Variants in FANCC observed in about 807,000 individuals in gnomAD.
The protein encoded by FANCC is FA complementation group C, also known as Fanconi anemia group C protein.
A neutral mutation model predicts 71.3 loss-of-function variants in FANCC; 55 were observed. The ratio of observed to expected loss-of-function variants is 0.77; its 90% CI spans 0.62 to 0.97. The LOEUF (loss-of-function observed/expected upper bound fraction) is 0.97. FANCC is among the 50% of genes least tolerant of loss of function. FANCC has a pLI of 0.00. For missense variants in FANCC, 678 were observed against 670.9 expected (o/e 1.01, Z -0.12); for synonymous variants, 275 against 244.9 (o/e 1.12, Z -1.15).
intron 13 of FANCC, chr9:95,111,071 C>A: frequency 4.0e-6 from 6 of 1,493,052 alleles, no homozygotes; most frequent in Non-Finnish European, 5.3e-6. Context: ...TGCTGGGGAG[C>A]GAGACAGGGC....
intron 1 of FANCC, among the ~76,000 whole-genome samples, chr9:95,312,819 G>A (rs1160498539): frequency 1.3e-5 from 2 of 152,308 alleles, no homozygotes; most frequent in Non-Finnish European, 2.9e-5. Flanking sequence ...CCAGAAATGG[G>A]ATCAAGAACT....
chr9:95,271,952 T>C (rs1237853054), intron 1 of FANCC, among the ~76,000 whole-genome samples: 1 of 134,374 alleles, frequency 7.4e-6, no homozygotes, highest in Non-Finnish European at 1.6e-5. Context: ...TTTTTTTTTT[T>C]TTGAGATGGA....
chr9:95,219,377 A>C (rs1322303710), intron 4 of FANCC, among the ~76,000 whole-genome samples: 1 of 152,238 alleles, frequency 6.6e-6, no homozygotes, highest in Non-Finnish European at 1.5e-5. Flanking sequence ...TATGCCAAAA[A>C]AGTGTAAGAC....
At chr9:95,195,147 A>C (rs1827356182) in intron 4 of FANCC, among the ~76,000 whole-genome samples, 1 of 146,014 alleles carries the variant, frequency 6.8e-6, no homozygotes, top group Non-Finnish European at 1.5e-5. Context: ...GCAGTGAGCC[A>C]AGATGGCGCC....
chr9:95,133,961 C>T (rs1392278260), intron 8 of FANCC, among the ~76,000 whole-genome samples: 3 of 152,156 alleles, frequency 2.0e-5, no homozygotes, highest in South Asian at 2.1e-4. Context: ...TATGACTCTT[C>T]CGGATGGTAA....
chr9:95,212,808 A>G (rs1361707917), intron 4 of FANCC, among the ~76,000 whole-genome samples: 1 of 152,260 alleles, frequency 6.6e-6, no homozygotes, highest in African/African-American at 2.4e-5. Flanking sequence ...CACGATAAAC[A>G]GAAGGGAGAG....
intron 4 of FANCC, among the ~76,000 whole-genome samples, chr9:95,180,700 G>C (rs74699388): frequency 6.6e-6 from 1 of 151,214 alleles, no homozygotes; most frequent in Admixed American, 6.6e-5. Context: ...AGTATGTTAA[G>C]TACATAAACC....
At position 95,135,259 on chromosome 9, in the gene FANCC, A is replaced by G. The variant is rs183585118; in HGVS notation, c.843+87T>C. 3.7e-4 allele frequency: 486 copies of G among 1,314,432 alleles called. 3 individuals are homozygous for G. The highest frequency in any genetic ancestry group is 3.2e-3 in the East Asian group (139 of 43,484). 81.4% of individuals were successfully genotyped at this position (1,314,432 alleles called of 1,614,324 possible). A position where few individuals can be genotyped will look rare whatever the true frequency, so the allele number is the denominator to read the frequency against. ...AGGTTCCAATTGCTCTTTTGTTTAC[A>G]TCCCCCCCTTTCATTCTCTGACTAA... On this transcript the variant is annotated intron_variant, in intron 8 of 14. Transcript: ENST00000289081.
intron 4 of FANCC, among the ~76,000 whole-genome samples, chr9:95,232,656 G>T (rs1016254733): frequency 2.0e-5 from 3 of 151,968 alleles, no homozygotes; most frequent in Admixed American, 6.6e-5. Context: ...AAACACTCCT[G>T]GCTTTTAGTA....
intron 1 of FANCC, among the ~76,000 whole-genome samples, chr9:95,264,307 T>C (rs1352078931): frequency 6.6e-6 from 1 of 152,124 alleles, no homozygotes; most frequent in Admixed American, 6.5e-5. Context: ...AACAAATGTA[T>C]GGAAAATAAA....
chr9:95,145,966 T>C (rs539538125), intron 7 of FANCC, among the ~76,000 whole-genome samples: 12 of 78,662 alleles, frequency 1.5e-4, no homozygotes, highest in African/African-American at 6.0e-4. Flanking sequence ...CTCTGATTCT[T>C]TATTTTTTTT....
intron 6 of FANCC, among the ~76,000 whole-genome samples, chr9:95,150,458 T>A (rs1228657334): frequency 6.6e-6 from 1 of 152,162 alleles, no homozygotes; most frequent in Admixed American, 6.5e-5. Flanking sequence ...ATCTGATCCA[T>A]CAGTGAATAC....
chr9:95,252,763 A>T (rs1007909391), intron 1 of FANCC, among the ~76,000 whole-genome samples: 4 of 147,898 alleles, frequency 2.7e-5, no homozygotes, highest in Admixed American at 6.8e-5. Context: ...AAAAAAAAAA[A>T]TGCAGGCCTG....
chr9:95,199,863 G>T (rs1182343692), intron 4 of FANCC, among the ~76,000 whole-genome samples: 1 of 152,156 alleles, frequency 6.6e-6, no homozygotes, highest in Admixed American at 6.5e-5. Context: ...ATACAACAGA[G>T]AGGACATTTA....
intron 4 of FANCC, among the ~76,000 whole-genome samples, chr9:95,220,660 T>C (rs569886296): frequency 1.6e-4 from 25 of 152,042 alleles, no homozygotes; most frequent in Non-Finnish European, 2.2e-4. Flanking sequence ...TAGGTGGGAA[T>C]TGAACAATGA....
intron 6 of FANCC, among the ~76,000 whole-genome samples, chr9:95,153,276 C>A (rs1441661283): frequency 6.6e-6 from 1 of 151,880 alleles, no homozygotes; most frequent in Non-Finnish European, 1.5e-5. Context: ...GGTTCCACAT[C>A]TTTGCAATTG....
rs10710492 is a variant in FANCC at position 95,311,233 on chromosome 9, CAAAAAAAAAAA to C, written c.-79+6282_-79+6292del. 1.8e-4 allele frequency among the ~76,000 whole-genome samples: 14 copies of C among 76,038 alleles called. No individual in the cohort carries two copies. The East Asian group carries it at 2.2e-3, about 12-fold the overall frequency. 49.9% of individuals were successfully genotyped at this position (76,038 alleles called of 152,430 possible). The stretch of plus-strand genomic sequence containing the variant: ...CGGGAGACAGAGTGAGATTCCGTCT[CAAAAAAAAAAA>C]AAAAAAAAAAATCAGGAGTTAATAA... On this transcript the variant is annotated intron_variant, in intron 1 of 14. Transcript: ENST00000289081.
chr9:95,128,589 G>C (rs1826376107), intron 8 of FANCC, among the ~76,000 whole-genome samples: 1 of 152,190 alleles, frequency 6.6e-6, no homozygotes, highest in South Asian at 2.1e-4. Flanking sequence ...AACCACTGGG[G>C]GAGCAAGGAA....
At position 95,100,156 on chromosome 9, in the gene FANCC, G is replaced by A. The variant is rs1234707434; in HGVS notation, c.*1551C>T. ...CTTTTTCAACCCCAACACCTCTGACGAAGCATGTTTGTTATATGAAGGCAA... is the reference window on the plus strand; with the variant it reads ...CTTTTTCAACCCCAACACCTCTGACAAAGCATGTTTGTTATATGAAGGCAA... On this transcript the variant is annotated 3_prime_UTR_variant, in exon 15 of 15. Coordinates refer to ENST00000289081, the MANE Select transcript of FANCC (RefSeq NM_000136.3). 1.3e-5 allele frequency: 3 copies of A among 232,752 alleles called. No homozygotes were observed. The highest frequency in any genetic ancestry group is 6.0e-5 in the East Asian group (1 of 16,566). The allele number at this position is 232,752 out of a possible 1,614,324, so 14.4% of individuals were successfully genotyped here.
Sources: allele counts gnomAD v4.1 joint callset (sites outside exome capture counted in the v4.1 genomes callset), GRCh38; gene constraint gnomAD v4.1.1; transcripts MANE v1.5; gene names NCBI Gene and HGNC (gene_info 2026-07-23, HGNC 2026-07-21).